Variants in ANKRD35 observed in about 807,000 individuals in gnomAD.
The protein encoded by ANKRD35 is ankyrin repeat domain 35.
Under a neutral mutation model 109.9 loss-of-function variants are expected in ANKRD35, and 102 were observed. The ratio of observed to expected loss-of-function variants is 0.93; its 90% CI spans 0.79 to 1.09. ANKRD35 has a LOEUF of 1.09. Among genes scored for constraint, ANKRD35 ranks in the 50% least tolerant of loss-of-function variants. ANKRD35 has a pLI of 0.00. For missense variants in ANKRD35, 1,240 were observed against 1,230.1 expected, an observed-to-expected ratio of 1.01 and a Z score of -0.12; for synonymous variants, 515 against 512.4, an observed-to-expected ratio of 1.01 and a Z score of -0.07.
Position 145,873,982 on chromosome 1 carries a change from A to G in ANKRD35, c.787T>C (p.Ser263Pro). 1 of 1,613,652 alleles carries G rather than the reference A, an allele frequency of 6.2e-7. No individual in the cohort carries two copies. Among genetic ancestry groups the G allele is most frequent in the Non-Finnish European group, 8.5e-7 (1 of 1,179,888 alleles). ...VQHPDLASQA[S>P]PSEPQAGSPP... ...GAACCTGCCTGGGGCTCAGATGGAGAGGCCTATGTTGGAAACAGAATAGTA... is the reference window on the plus strand; with the variant it reads ...GAACCTGCCTGGGGCTCAGATGGAGGGGCCTATGTTGGAAACAGAATAGTA... The change falls in exon 10 of 14, where the codon TCT becomes CCT. Residue 263 changes from serine to proline, a missense_variant. Transcript: ENST00000355594.
In ANKRD35 at chr1:145,872,629, C is replaced by G. The variant is rs1173149317; in HGVS notation, c.2140G>C (p.Gly714Arg). 1 of 1,614,030 alleles carries G rather than the reference C, an allele frequency of 6.2e-7. No homozygotes were observed. Among genetic ancestry groups the G allele is most frequent in the South Asian group, 1.1e-5 (1 of 91,072 alleles). ...LWDCLPADLVGERSAQSKAAE... is the reference protein window; with the variant it reads ...LWDCLPADLVRERSAQSKAAE... ...GCTTTGCTTTGTGCACTCCTCTCGCCCACTAGGTCTGCGGGCAGGCAGTCC... is the reference window on the plus strand; with the variant it reads ...GCTTTGCTTTGTGCACTCCTCTCGCGCACTAGGTCTGCGGGCAGGCAGTCC... Residue 714 changes from glycine (G) to arginine (R), a missense_variant, in exon 10 of 14, where the codon GGC becomes CGC. Coordinates refer to ENST00000355594, the MANE Select transcript of ANKRD35 (RefSeq NM_144698.5).
Position 145,872,038 on chromosome 1 carries a change from GCT to G in ANKRD35, c.2729_2730del (p.Glu910AlafsTer56). 4 of 1,613,606 alleles carry G rather than the reference GCT, an allele frequency of 2.5e-6. No homozygotes were observed. The South Asian group carries it at 4.4e-5, about 18-fold the overall frequency. On this transcript the variant is annotated frameshift_variant, in exon 10 of 14. Transcript: ENST00000355594. LOFTEE classifies it high-confidence loss of function. ...AGATGCTCCATCTTCTCTTTCAGCA[GCT>G]CTGCCGTTTTCTCAAACTGCTCGGA... ...GRSEQFEKTAELLKEKMEHLI... is the reference protein window; with the variant it reads ...GRSEQFEKTAXLLKEKMEHLI...
In ANKRD35 at chr1:145,872,676, C is replaced by T. The variant is rs1553739042; in HGVS notation, c.2093G>A (p.Ser698Asn). The T allele has an allele frequency of 6.2e-7, 1 of 1,614,126 alleles. No homozygotes were observed. The highest frequency in any genetic ancestry group is 2.2e-5 in the East Asian group (1 of 44,876). ...GTCCCACAGCCCTCGGAGACCGCTG[C>T]TCTGGGAGGCCAGGAGCTTCCGCAG... ...EKLRKLLASQ[S>N]SGLRGLWDCL... Residue 698 changes from serine to asparagine, a missense_variant, in exon 10 of 14, where the codon AGC becomes AAC. Ser to Asn is a conservative substitution (Grantham distance 46, BLOSUM62 1). Transcript: ENST00000355594.
chr1:145,867,564 T>C (rs1653654013), intron 12 of ANKRD35, among the ~76,000 whole-genome samples, 172 bp from the exon 13 acceptor site: 1 of 152,174 alleles, frequency 6.6e-6, no homozygotes, highest in South Asian at 2.1e-4. Flanking sequence ...AAGATAATGA[T>C]GTCTACTTTT....
chr1:145,877,852 T>C (rs1055656861), intron 4 of ANKRD35, 116 bp downstream of exon 4: 3 of 937,986 alleles, frequency 3.2e-6, no homozygotes, highest in Middle Eastern at 2.1e-4. Flanking sequence ...AGCCCTCCTA[T>C]TGGGGATGAG....
chr1:145,884,543 A>G (rs1448436283), intron 1 of ANKRD35, among the ~76,000 whole-genome samples: 2 of 152,176 alleles, frequency 1.3e-5, no homozygotes, highest in African/African-American at 4.8e-5. Flanking sequence ...ACCTCTACAG[A>G]AAATTCCATT....
intron 10 of ANKRD35, 66 bp downstream of exon 10, chr1:145,871,916 G>A: frequency 1.3e-6 from 2 of 1,578,210 alleles, no homozygotes; most frequent in Non-Finnish European, 1.7e-6. Context: ...CTGGATTCAG[G>A]TTAGTAAACT....
chr1:145,875,641 C>T (rs1654039172), intron 7 of ANKRD35, among the ~76,000 whole-genome samples: 1 of 152,108 alleles, frequency 6.6e-6, no homozygotes, highest in South Asian at 2.1e-4. Context: ...CTCCACCTCC[C>T]AGATTCATGC....
chr1:145,867,882 G>T, intron 12 of ANKRD35, 109 bp downstream of exon 12: 1 of 1,074,412 alleles, frequency 9.3e-7, no homozygotes, highest in Non-Finnish European at 1.4e-6. Flanking sequence ...AGCTTTCCGA[G>T]AAACAGCAAG....
At chr1:145,883,101 T>G (rs1398678338) in intron 1 of ANKRD35, among the ~76,000 whole-genome samples, 8 of 98,878 alleles carry the variant, frequency 8.1e-5, no homozygotes, top group Non-Finnish European at 1.6e-4. Flanking sequence ...TTTTTTTTTT[T>G]GAGACGGAGT....
chr1:145,875,010 T>C lies in ANKRD35; in HGVS notation c.561-4A>G. On this transcript the variant is annotated splice_region_variant and splice_polypyrimidine_tract_variant and intron_variant, in intron 7 of 13. Transcript: ENST00000355594. ...ACAGGCCAGGATCAAAGCCGATCTG[T>C]GGGTTGAGACAAATCTGAGCACAGA... 6.3e-7 allele frequency: 1 copy of C among 1,592,712 alleles called. No individual in the cohort carries two copies. Among genetic ancestry groups the C allele is most frequent in the East Asian group, 2.2e-5 (1 of 44,562 alleles).
intron 10 of ANKRD35, among the ~76,000 whole-genome samples, chr1:145,871,157 T>C (rs1336113055): frequency 2.2e-4 from 17 of 77,160 alleles, no homozygotes; most frequent in African/African-American, 9.3e-4. Flanking sequence ...TTTTTTCTTT[T>C]TTTTTTTTTT....
Position 145,873,802 on chromosome 1 carries a change from A to T in ANKRD35, c.967T>A (p.Cys323Ser), listed in dbSNP as rs782269153. The change falls in exon 10 of 14, where the codon TGT becomes AGT. Residue 323 changes from cysteine to serine, a missense_variant. Coordinates refer to ENST00000355594, the MANE Select transcript of ANKRD35 (RefSeq NM_144698.5). ...AGATAGGCTGCAGCTTGAGTCTTACACTCTTCTGTCTTTTGCACCAGCTCC... is the reference window on the plus strand; with the variant it reads ...AGATAGGCTGCAGCTTGAGTCTTACTCTCTTCTGTCTTTTGCACCAGCTCC... ...EQELVQKTEE[C>S]KTQAAAYLDL... 4 of 1,607,680 alleles carry T rather than the reference A, an allele frequency of 2.5e-6. No individual in the cohort carries two copies. The African/African-American group carries it at 5.4e-5, about 22-fold the overall frequency.
intron 1 of ANKRD35, among the ~76,000 whole-genome samples, chr1:145,882,036 C>T (rs1370098346): frequency 6.9e-6 from 1 of 144,110 alleles, no homozygotes; most frequent in African/African-American, 2.6e-5. Flanking sequence ...CTCACTGCAA[C>T]CTCCACCTCC....
rs782118105 is a variant in ANKRD35, at chr1:145,885,715, C to T, written c.39+5G>A. The T allele has an allele frequency of 1.2e-6, 2 of 1,614,170 alleles. No homozygotes were observed. Among genetic ancestry groups the T allele is most frequent in the Non-Finnish European group, 1.7e-6 (2 of 1,180,024 alleles). On this transcript the variant is annotated splice_donor_5th_base_variant and intron_variant, in intron 1 of 13. Transcript: ENST00000355594. Reference sequence around the variant, plus strand: ...CCCCATCCTCCCACACATTTTGGCACCTACCGCCACCTGTGTGCTGGAGCA... The same window carrying T: ...CCCCATCCTCCCACACATTTTGGCATCTACCGCCACCTGTGTGCTGGAGCA...
Position 145,872,382 on chromosome 1 carries a change from A to C in ANKRD35, c.2387T>G (p.Val796Gly). The C allele has an allele frequency of 2.5e-6, 4 of 1,613,160 alleles. No individual in the cohort carries two copies. Among genetic ancestry groups the C allele is most frequent in the Non-Finnish European group, 3.4e-6 (4 of 1,179,702 alleles). ...GCTCTTCCCGCTCATCGTGGCCTGA[A>C]CTGCCCGCAGCTCTTCCTCCAGCTT... is the stretch of plus-strand genomic sequence containing the variant. ...LGKLEEELRA[V>G]QATMSGKSQE... The change falls in exon 10 of 14, where the codon GTT (valine) becomes GGT (glycine). Residue 796 changes from valine to glycine, a missense_variant. Coordinates refer to ENST00000355594, the MANE Select transcript of ANKRD35 (RefSeq NM_144698.5).
rs587596448 is a variant in ANKRD35, at chr1:145,872,184, G to A, written c.2585C>T (p.Thr862Met). The A allele has an allele frequency of 1.6e-4, 257 of 1,609,628 alleles. 2 individuals carry two copies. Among genetic ancestry groups the A allele is most frequent in the Admixed American group, 5.6e-4 (33 of 59,040 alleles). ...CAGCCGACCCACTTCCCGGCAGGCC[G>A]TATTATACTTTTCCAACAGAGCCTT... The part of the protein sequence containing the change: ...ELKALLEKYN[T>M]ACREVGRLRE... The change falls in exon 10 of 14, where the codon ACG becomes ATG. Residue 862 changes from threonine to methionine, a missense_variant. Transcript: ENST00000355594.
chr1:145,876,375 C>T (rs1654075548), intron 6 of ANKRD35, 129 bp from the exon 7 acceptor site: 1 of 1,134,532 alleles, frequency 8.8e-7, no homozygotes, highest in African/African-American at 1.6e-5. Context: ...TGAACACTCC[C>T]TTTTGGAGGG....
At chr1:145,870,005 G>T (rs1404816297) in intron 10 of ANKRD35, among the ~76,000 whole-genome samples, 1 of 152,102 alleles carries the variant, frequency 6.6e-6, no homozygotes, top group Admixed American at 6.5e-5. Flanking sequence ...GCAGTTAATG[G>T]TAACTAGCAG....
Sources: allele counts gnomAD v4.1 joint callset (sites outside exome capture counted in the v4.1 genomes callset), GRCh38; gene constraint gnomAD v4.1.1; transcripts MANE v1.5; gene names NCBI Gene and HGNC (gene_info 2026-07-23, HGNC 2026-07-21).